The following ANKRD18A variants were observed in gnomAD, a reference collection of about 807,000 sequenced individuals.
ANKRD18A encodes the protein ankyrin repeat domain 18A.
ANKRD18A carries 72 observed loss-of-function variants against 110.6 expected under a neutral mutation model. The ratio of observed to expected loss-of-function variants is 0.65; its 90% confidence interval spans 0.54 to 0.79. The LOEUF (loss-of-function observed/expected upper bound fraction) is 0.79. Among genes scored for constraint, ANKRD18A ranks in the 30% least tolerant of loss-of-function variants. ANKRD18A has a pLI of 0.00. For missense variants in ANKRD18A, 934 were observed against 1,163.3 expected (o/e 0.80, Z 2.87); for synonymous variants, 305 against 410.3 (o/e 0.74, Z 3.10).
intron 10 of ANKRD18A, among the ~76,000 whole-genome samples, chr9:38,592,137 T>C (rs1474032408): frequency 6.6e-6 from 1 of 152,188 alleles, no homozygotes; most frequent in Non-Finnish European, 1.5e-5. Context: ...ATTAGACTAA[T>C]TGGTTTTAAT....
chr9:38,571,996 T>G lies in ANKRD18A; in HGVS notation c.*49A>C. ...TTTTATGGTTAATCTCTTCATTAGA[T>G]GTGGCTTACCAGTGGATTCTACAAA... On this transcript the variant is annotated 3_prime_UTR_variant, in exon 16 of 16. Transcript: ENST00000399703. 3.2e-6 allele frequency: 5 copies of G among 1,573,656 alleles called. No individual in the cohort carries two copies. Among genetic ancestry groups the G allele is most frequent in the Non-Finnish European group, 4.3e-6 (5 of 1,167,672 alleles).
chr9:38,576,583 T>C (rs913105682), intron 14 of ANKRD18A, among the ~76,000 whole-genome samples: 6 of 152,192 alleles, frequency 3.9e-5, no homozygotes, highest in African/African-American at 1.2e-4. Flanking sequence ...CTAGTGATAA[T>C]ACCAAAGATC....
intron 11 of ANKRD18A, among the ~76,000 whole-genome samples, chr9:38,588,164 T>C (rs1824465536): frequency 6.6e-6 from 1 of 152,142 alleles, no homozygotes; most frequent in African/African-American, 2.4e-5. Flanking sequence ...GTGTTGTAAG[T>C]TTCTTTTTTC....
intron 8 of ANKRD18A, among the ~76,000 whole-genome samples, chr9:38,600,853 T>C (rs1014317644): frequency 6.6e-6 from 1 of 152,206 alleles, no homozygotes; most frequent in African/African-American, 2.4e-5. Flanking sequence ...TTACCTTCTT[T>C]ATCAGGAAGA....
intron 14 of ANKRD18A, 60 bp downstream of exon 14, chr9:38,576,993 T>C (rs1823921304): frequency 5.5e-6 from 8 of 1,450,204 alleles, no homozygotes; most frequent in Non-Finnish European, 7.5e-6. Flanking sequence ...CTAAAAATTA[T>C]GCTTTTAAGA....
intron 11 of ANKRD18A, 59 bp downstream of exon 11, chr9:38,588,492 A>C: frequency 9.1e-7 from 1 of 1,097,214 alleles, no homozygotes; most frequent in Non-Finnish European, 1.2e-6. Context: ...TAGTCAAGTA[A>C]AGTTAGAGTT....
At chr9:38,614,019 C>T (rs1050209431) in intron 3 of ANKRD18A, among the ~76,000 whole-genome samples, 5 of 152,270 alleles carry the variant, frequency 3.3e-5, no homozygotes, top group Admixed American at 6.5e-5. Flanking sequence ...CAATGATATT[C>T]CCTTTCACTT....
chr9:38,598,040 G>C (rs181541469), intron 8 of ANKRD18A, among the ~76,000 whole-genome samples: 22 of 152,282 alleles, frequency 1.4e-4, no homozygotes, highest in Admixed American at 1.2e-3. Flanking sequence ...AGATAAACTT[G>C]CATGCATGAA....
At chr9:38,609,177 C>T (rs1459766740) in intron 5 of ANKRD18A, among the ~76,000 whole-genome samples, 2 of 152,032 alleles carry the variant, frequency 1.3e-5, no homozygotes, top group Non-Finnish European at 2.9e-5. Flanking sequence ...TGTACATGAA[C>T]TAAAAAACAC....
chr9:38,591,132 ATT>A (rs916755859), intron 10 of ANKRD18A, among the ~76,000 whole-genome samples: 5 of 140,190 alleles, frequency 3.6e-5, no homozygotes, highest in Admixed American at 7.2e-5. Context: ...CAGCTGTTTA[ATT>A]TTTTTTTTTT....
intron 8 of ANKRD18A, among the ~76,000 whole-genome samples, chr9:38,598,806 C>T (rs777891272): frequency 6.6e-6 from 1 of 152,186 alleles, no homozygotes; most frequent in Admixed American, 6.5e-5. Flanking sequence ...GTGGAACAAG[C>T]GCTGTATTGG....
At chr9:38,569,574 C>T (rs1200518278), downstream of ANKRD18A, 1 of 407,824 alleles carries the variant, frequency 2.5e-6, no homozygotes, top group Non-Finnish European at 3.3e-6. Context: ...CAACAGGAGC[C>T]TGCTTGGGTC....
chr9:38,570,870 G>A (rs1823613912), downstream of ANKRD18A, among the ~76,000 whole-genome samples: 1 of 152,248 alleles, frequency 6.6e-6, no homozygotes, highest in Non-Finnish European at 1.5e-5. Flanking sequence ...GAGACAATGA[G>A]GTGGCCTGGC....
At chr9:38,603,011 T>C in intron 7 of ANKRD18A, 148 bp downstream of exon 7, 1 of 1,263,084 alleles carries the variant, frequency 7.9e-7, no homozygotes, top group Non-Finnish European at 1.1e-6. Context: ...CATCATTTTA[T>C]TTTATCATGG....
downstream of ANKRD18A, chr9:38,566,833 G>T (rs1325344987): frequency 6.6e-6 from 1 of 152,150 alleles, no homozygotes; most frequent in African/African-American, 2.4e-5. Context: ...CAATGACCAG[G>T]TGTCATGAGA....
intron 10 of ANKRD18A, among the ~76,000 whole-genome samples, chr9:38,590,292 C>G (rs1456607256): frequency 2.6e-5 from 4 of 151,506 alleles, no homozygotes; most frequent in African/African-American, 7.3e-5. Flanking sequence ...GAGTCACACT[C>G]TGTCATCCAG....
At chr9:38,612,103 A>G (rs1184091612) in intron 3 of ANKRD18A, among the ~76,000 whole-genome samples, 2 of 152,166 alleles carry the variant, frequency 1.3e-5, no homozygotes, top group African/African-American at 2.4e-5. Context: ...ATGAGCTCTG[A>G]ATTAAGAGAG....
At chr9:38,568,935 G>T (rs1024474738), downstream of ANKRD18A, 1 of 985,416 alleles carries the variant, frequency 1.0e-6, no homozygotes, top group Non-Finnish European at 1.2e-6. Flanking sequence ...TGGCTGCCAG[G>T]GTTGTTCGGA....
chr9:38,593,904 A>C lies in ANKRD18A; in HGVS notation c.1860T>G (p.Ile620Met), dbSNP rs1824762005. 6.8e-7 allele frequency: 1 copy of C among 1,472,910 alleles called. No individual in the cohort carries two copies. The highest frequency in any genetic ancestry group is 1.4e-5 in the African/African-American group (1 of 69,666). 91.2% of individuals were successfully genotyped at this position (1,472,910 alleles called of 1,614,324 possible). Reference sequence around the variant, plus strand: ...CCAGTTCTTCTTGAAATTCTCTCACAATCACCTGACAAAATATTTTTGTTA... The same window carrying C: ...CCAGTTCTTCTTGAAATTCTCTCACCATCACCTGACAAAATATTTTTGTTA... ...CEKEKAEREV[I>M]VREFQEELVD... Residue 620 changes from isoleucine (I) to methionine (M), a missense_variant, in exon 10 of 16, where the codon ATT becomes ATG. Ile to Met is a conservative substitution (Grantham distance 10). Around this residue, in one of 4 missense-constraint regions of ANKRD18A, gnomAD observed 630 missense variants for 797.5 expected, o/e 0.79. Coordinates refer to ENST00000399703, the MANE Select transcript of ANKRD18A (RefSeq NM_147195.4).
Sources: gnomAD v4.1 joint callset for allele counts (sites outside exome capture counted in the v4.1 genomes callset) on GRCh38, gnomAD v4.1.1 for gene constraint, gnomAD v4.1.1 regional missense constraint, MANE v1.5 for transcripts, NCBI Gene and HGNC (gene_info 2026-07-23, HGNC 2026-07-21) for gene names.